Variants in JPH1 observed in about 807,000 individuals in gnomAD.
The protein encoded by JPH1 is junctophilin-1.
In JPH1, 12 loss-of-function variants were observed where a neutral mutation model predicts 53.6. That is an observed-to-expected ratio of 0.22 (90% CI 0.14 to 0.36). The LOEUF (loss-of-function observed/expected upper bound fraction) is 0.36, where lower values mean the gene tolerates loss of function less well. Among genes scored for constraint, JPH1 ranks in the 10% least tolerant of loss-of-function variants. JPH1 has a pLI of 1.00. For missense variants in JPH1, 808 were observed against 905.5 expected (o/e 0.89, Z 1.38); for synonymous variants, 375 against 363.8 (o/e 1.03, Z -0.35).
At chr8:74,256,532 TAAA>T (rs56307957) in intron 3 of JPH1, among the ~76,000 whole-genome samples, 3 of 135,870 alleles carry the variant, frequency 2.2e-5, no homozygotes, top group African/African-American at 2.7e-5. Flanking sequence ...CCCTAAAACT[TAAA>T]AAAAAAAAAA....
intron 2 of JPH1, among the ~76,000 whole-genome samples, chr8:74,307,260 C>T (rs1410756243): frequency 1.3e-5 from 2 of 152,186 alleles, no homozygotes; most frequent in Non-Finnish European, 2.9e-5. Context: ...AGGATTGCAA[C>T]ATTTTCCTAA....
chr8:74,313,303 T>G (rs1586777173), intron 2 of JPH1, among the ~76,000 whole-genome samples: 1 of 152,046 alleles, frequency 6.6e-6, no homozygotes, highest in South Asian at 2.1e-4. Context: ...ATAAGCAAAC[T>G]GAAAAGCAAA....
intron 2 of JPH1, among the ~76,000 whole-genome samples, chr8:74,262,414 A>C (rs180974677): frequency 1.6e-4 from 24 of 152,296 alleles, no homozygotes; most frequent in Admixed American, 3.3e-4. Flanking sequence ...GGTGGGATTC[A>C]GGTTAGGCAG....
intron 2 of JPH1, among the ~76,000 whole-genome samples, chr8:74,298,723 T>C (rs2131443268): frequency 6.6e-6 from 1 of 152,306 alleles, no homozygotes; most frequent in South Asian, 2.1e-4. Flanking sequence ...AGTAGGGCTG[T>C]AGCTAATATC....
chr8:74,253,359 AAT>A (rs888645831), intron 3 of JPH1, among the ~76,000 whole-genome samples: 9 of 152,262 alleles, frequency 5.9e-5, no homozygotes, highest in Non-Finnish European at 1.2e-4. Context: ...ACAAAGACAC[AAT>A]ATACCAGAAT....
At position 74,245,168 on chromosome 8, in the gene JPH1, A is replaced by C; in HGVS notation, c.1266T>G (p.Asp422Glu). Residue 422 changes from aspartate (D) to glutamate (E), a missense_variant, in exon 4 of 6, where the codon GAT (aspartate) becomes GAG (glutamate). By Grantham distance (45) the Asp-to-Glu change is conservative (BLOSUM62 2). Around this residue, in one of 2 missense-constraint regions of JPH1, gnomAD observed 756 missense variants for 811.9 expected, o/e 0.93. Coordinates refer to ENST00000342232, the MANE Select transcript of JPH1 (RefSeq NM_020647.4). ...LSPDFYQPGP[D>E]YVKQRFQEGV... is the part of the protein sequence containing the mutation. ...CTTCCTGAAATCTCTGTTTGACGTAATCAGGGCCTGGCCAAAAAAAAAAGA... is the reference window on the plus strand; with the variant it reads ...CTTCCTGAAATCTCTGTTTGACGTACTCAGGGCCTGGCCAAAAAAAAAAGA... 1 of 1,576,196 alleles carries C rather than the reference A, an allele frequency of 6.3e-7. No homozygotes were observed. Among genetic ancestry groups the C allele is most frequent in the Non-Finnish European group, 8.6e-7 (1 of 1,169,398 alleles).
intron 2 of JPH1, among the ~76,000 whole-genome samples, chr8:74,268,523 G>GA (rs1220120535): frequency 2.6e-5 from 4 of 152,004 alleles, no homozygotes; most frequent in Admixed American, 2.6e-4. Flanking sequence ...AGGAACAAGT[G>GA]AAAAATCAGG....
Position 74,315,291 on chromosome 8 carries a change from T to C in JPH1, c.709A>G (p.Ser237Gly). The C allele has an allele frequency of 6.2e-7, 1 of 1,614,100 alleles. No individual in the cohort carries two copies. The highest frequency in any genetic ancestry group is 8.5e-7 in the Non-Finnish European group (1 of 1,180,038). Residue 237 changes from serine to glycine, a missense_variant, in exon 2 of 6, where the codon AGC becomes GGC. Ser to Gly is a moderately conservative substitution (Grantham distance 56, BLOSUM62 0). Around this residue, in one of 2 missense-constraint regions of JPH1, gnomAD observed 756 missense variants for 811.9 expected, o/e 0.93. Coordinates refer to ENST00000342232, the MANE Select transcript of JPH1 (RefSeq NM_020647.4). This position sits in a 1 kb window ranked among gnomAD's most constrained non-coding sequence, Gnocchi z 6.3. The stretch of plus-strand genomic sequence containing the variant: ...ATGGCCGCGTCGCTGCGGACAGAGC[T>C]GCGCTTGCTCGAGATGGAAGACTTG... ...ESKSSISSKRSSVRSDAAMSR... is the reference protein window; with the variant it reads ...ESKSSISSKRGSVRSDAAMSR...
Position 74,321,410 on chromosome 8 carries a change from C to T in JPH1, c.-123G>A. 1.0e-6 allele frequency: 1 copy of T among 958,384 alleles called. No homozygotes were observed. The highest frequency in any genetic ancestry group is 1.4e-6 in the Non-Finnish European group (1 of 706,338). The allele number at this position is 958,384 out of a possible 1,614,324, so 59.4% of individuals were successfully genotyped here. A position where few individuals can be genotyped will look rare whatever the true frequency, so the allele number is the denominator to read the frequency against. On this transcript the variant is annotated 5_prime_UTR_variant, in exon 1 of 6. Transcript: ENST00000342232. The surrounding 1 kb of genome is among the most constrained non-coding windows in gnomAD (Gnocchi z 4.3). ...GCTCACGACAGCGCCCTGGGCAGCT[C>T]GCGCTGCCGCTCGGCTCCAGTCCGA...
intron 2 of JPH1, among the ~76,000 whole-genome samples, chr8:74,302,588 C>G (rs139573678): frequency 6.6e-6 from 1 of 152,230 alleles, no homozygotes; most frequent in South Asian, 2.1e-4. Context: ...TGAGTGTAAT[C>G]GCTAAGGACT....
intron 2 of JPH1, among the ~76,000 whole-genome samples, chr8:74,289,217 G>A (rs1807253564): frequency 6.6e-6 from 1 of 152,178 alleles, no homozygotes; most frequent in Non-Finnish European, 1.5e-5. Flanking sequence ...AGTCAGATTT[G>A]ATTTTCATTT....
In JPH1 at chr8:74,315,033, C is replaced by G. The variant is rs1431505734; in HGVS notation, c.967G>C (p.Asp323His). 1.9e-6 allele frequency: 3 copies of G among 1,614,212 alleles called. No homozygotes were observed. Among genetic ancestry groups the G allele is most frequent in the Non-Finnish European group, 2.5e-6 (3 of 1,180,030 alleles). Residue 323 changes from aspartate (D) to histidine (H), a missense_variant, in exon 2 of 6, where the codon GAC (aspartate) becomes CAC (histidine). Physicochemically the swap from Asp to His is moderately conservative, Grantham distance 81. Coordinates refer to ENST00000342232, the MANE Select transcript of JPH1 (RefSeq NM_020647.4). The surrounding 1 kb of genome is among the most constrained non-coding windows in gnomAD (Gnocchi z 6.3). ...TATTTTCCCTCTTCTTTGGAGCCGT[C>G]AGGAAACACGGTACAGCCATATCCA... ...RHGYGCTVFP[D>H]GSKEEGKYKN... is the part of the protein sequence containing the mutation.
intron 2 of JPH1, among the ~76,000 whole-genome samples, chr8:74,311,519 TTTTTA>T (rs1393360485): frequency 2.6e-5 from 4 of 152,048 alleles, no homozygotes; most frequent in Admixed American, 6.5e-5. Flanking sequence ...TTTTTAAAAT[TTTTTA>T]TTTTATTATT....
chr8:74,244,974 T>A lies in JPH1; in HGVS notation c.1460A>T (p.Asn487Ile). Residue 487 changes from asparagine to isoleucine, a missense_variant, in exon 4 of 6, where the codon AAC becomes ATC. Physicochemically the swap from Asn to Ile is moderately radical, Grantham distance 149. This residue lies in a region of JPH1 where 756 missense variants were observed against 811.9 expected (regional missense o/e 0.93). Coordinates refer to ENST00000342232, the MANE Select transcript of JPH1 (RefSeq NM_020647.4). ...GTTGAGTCTCGCCCCTGAGCTGGGG[T>A]TTTGCTTCTTCAGGGGCTTTGGGGA... ...ASSPKPLKKQ[N>I]PSSGARLNQD... The A allele has an allele frequency of 6.2e-7, 1 of 1,613,908 alleles. No homozygotes were observed. Among genetic ancestry groups the A allele is most frequent in the Non-Finnish European group, 8.5e-7 (1 of 1,179,996 alleles).
intron 3 of JPH1, among the ~76,000 whole-genome samples, chr8:74,252,343 G>A (rs993048365): frequency 3.9e-5 from 6 of 152,154 alleles, no homozygotes; most frequent in African/African-American, 7.2e-5. Context: ...AAACTAAAGA[G>A]CTTCTGCACA....
intron 2 of JPH1, among the ~76,000 whole-genome samples, chr8:74,289,954 C>G (rs1446167434): frequency 6.6e-6 from 1 of 152,156 alleles, no homozygotes; most frequent in Admixed American, 6.5e-5. Flanking sequence ...TTTTGATGTG[C>G]TGCTGGATTT....
At chr8:74,267,250 G>A (rs561301605) in intron 2 of JPH1, among the ~76,000 whole-genome samples, 31 of 152,294 alleles carry the variant, frequency 2.0e-4, no homozygotes, top group African/African-American at 7.5e-4. Context: ...AAAGGTGGTT[G>A]AACTCACCAA....
chr8:74,298,330 T>C (rs778125932), intron 2 of JPH1, among the ~76,000 whole-genome samples: 4 of 152,234 alleles, frequency 2.6e-5, no homozygotes, highest in Admixed American at 1.3e-4. Context: ...GGTTGTTGTA[T>C]ACAAGATGGG....
At chr8:74,245,907 G>T (rs1029097428) in intron 3 of JPH1, among the ~76,000 whole-genome samples, 16 of 126,878 alleles carry the variant, frequency 1.3e-4, no homozygotes, top group Non-Finnish European at 2.5e-4. Flanking sequence ...GACAGAGGAG[G>T]AAAAAATGAA....
Sources: allele counts gnomAD v4.1 joint callset (sites outside exome capture counted in the v4.1 genomes callset), GRCh38; gene constraint gnomAD v4.1.1; regional missense constraint gnomAD v4.1.1; non-coding constraint Gnocchi (gnomAD v3.1); transcripts MANE v1.5; gene names NCBI Gene and HGNC (gene_info 2026-07-23, HGNC 2026-07-21).